Variants in ROBO2 observed in about 807,000 individuals in gnomAD.
ROBO2 encodes the protein roundabout guidance receptor 2.
A neutral mutation model predicts 160.8 loss-of-function variants in ROBO2; 53 were observed. The ratio of observed to expected loss-of-function variants is 0.33; its 90% CI spans 0.26 to 0.41. The LOEUF is 0.41. ROBO2 is among the 10% of genes least tolerant of loss of function. ROBO2 has a pLI of 1.00. For missense variants in ROBO2, 1,577 were observed against 1,722.4 expected (o/e 0.92, Z 1.49); for synonymous variants, 664 against 611.7 (o/e 1.09, Z -1.26).
At chr3:77,387,458 G>A (rs968712729) in intron 2 of ROBO2, among the ~76,000 whole-genome samples, 5 of 151,738 alleles carry the variant, frequency 3.3e-5, no homozygotes, top group East Asian at 1.9e-4. Flanking sequence ...GTCTTAGGTC[G>A]CTTGACCTAC....
chr3:76,646,723 C>T (rs1189308497), intron 2 of ROBO2, among the ~76,000 whole-genome samples: 1 of 152,102 alleles, frequency 6.6e-6, no homozygotes, highest in Non-Finnish European at 1.5e-5. Context: ...CAAGAAGTCA[C>T]TCTGAAAGTT....
intron 23 of ROBO2, among the ~76,000 whole-genome samples, chr3:77,628,858 T>C (rs2095094853): frequency 6.6e-6 from 1 of 152,188 alleles, no homozygotes; most frequent in Non-Finnish European, 1.5e-5. Context: ...TGTTGCCCAA[T>C]ATGGCCAAGT....
intron 2 of ROBO2, among the ~76,000 whole-genome samples, chr3:76,470,013 A>T (rs1010807008): frequency 2.6e-5 from 4 of 152,100 alleles, no homozygotes. Context: ...TTTGCTTACC[A>T]TTCCCTCTAC....
chr3:77,495,680 G>GT (rs1443963184), intron 5 of ROBO2, among the ~76,000 whole-genome samples: 1 of 152,128 alleles, frequency 6.6e-6, no homozygotes, highest in Non-Finnish European at 1.5e-5. Flanking sequence ...GCGTTTATAG[G>GT]TTTTTAAAAA....
intron 2 of ROBO2, among the ~76,000 whole-genome samples, chr3:77,439,503 A>C (rs1168074218): frequency 6.6e-6 from 1 of 151,888 alleles, no homozygotes; most frequent in Non-Finnish European, 1.5e-5. Context: ...GATGGACTGC[A>C]TTTTTCTCTT....
chr3:77,210,555 C>T (rs1196381690), intron 2 of ROBO2, among the ~76,000 whole-genome samples: 1 of 152,070 alleles, frequency 6.6e-6, no homozygotes, highest in Non-Finnish European at 1.5e-5. Context: ...TGGTATTCCC[C>T]TATGTTTCTA....
intron 5 of ROBO2, among the ~76,000 whole-genome samples, chr3:77,501,740 G>T (rs1452694137): frequency 6.6e-6 from 1 of 152,044 alleles, no homozygotes; most frequent in Non-Finnish European, 1.5e-5. Flanking sequence ...AATTGAAATA[G>T]ATGGACATAA....
intron 21 of ROBO2, among the ~76,000 whole-genome samples, chr3:77,609,114 A>T (rs1337596815): frequency 1.3e-5 from 2 of 151,760 alleles, no homozygotes; most frequent in Non-Finnish European, 2.9e-5. Context: ...ACATACGCGA[A>T]TATTTTTTGT....
At chr3:77,380,340 G>A (rs909057109) in intron 2 of ROBO2, among the ~76,000 whole-genome samples, 1 of 152,162 alleles carries the variant, frequency 6.6e-6, no homozygotes, top group African/African-American at 2.4e-5. Flanking sequence ...TGACGTAGAT[G>A]TACTGAGTTC....
intron 2 of ROBO2, among the ~76,000 whole-genome samples, chr3:76,340,180 T>C (rs1439539690): frequency 6.6e-6 from 1 of 152,046 alleles, no homozygotes; most frequent in East Asian, 1.9e-4. Flanking sequence ...GTGATTTTAC[T>C]AGTAGAGCAG....
intron 2 of ROBO2, among the ~76,000 whole-genome samples, chr3:76,419,655 G>A (rs2075907225): frequency 6.6e-6 from 1 of 152,100 alleles, no homozygotes; most frequent in Non-Finnish European, 1.5e-5. Context: ...TGAGGAAAGA[G>A]ATGTACATTG....
intron 2 of ROBO2, among the ~76,000 whole-genome samples, chr3:77,032,969 G>C (rs1341133457): frequency 1.3e-5 from 2 of 152,124 alleles, no homozygotes; most frequent in African/African-American, 4.8e-5. Flanking sequence ...GTAACAATCA[G>C]CATTTTCTCT....
chr3:76,931,550 G>GACACACACACACACACACACACACAC (rs148001909), intron 2 of ROBO2, among the ~76,000 whole-genome samples: 13 of 150,608 alleles, frequency 8.6e-5, no homozygotes, highest in African/African-American at 2.7e-4. Context: ...TGCTTTATAA[G>GACACACACACACACACACACACACAC]ACACATACAC....
At chr3:76,876,043 C>T (rs1024800338) in intron 2 of ROBO2, among the ~76,000 whole-genome samples, 1 of 151,964 alleles carries the variant, frequency 6.6e-6, no homozygotes, top group Non-Finnish European at 1.5e-5. Context: ...TTAATTTAAT[C>T]ATATCTGCAC....
chr3:76,166,380 CCATGTTCAGCT>C (rs2072838436), intron 2 of ROBO2, among the ~76,000 whole-genome samples: 1 of 152,138 alleles, frequency 6.6e-6, no homozygotes, highest in South Asian at 2.1e-4. Context: ...CATTTTGCTG[CCATGTTCAGCT>C]CATGTTCAGC....
intron 2 of ROBO2, among the ~76,000 whole-genome samples, chr3:77,123,644 CA>C (rs2074998095): frequency 6.6e-6 from 1 of 150,602 alleles, no homozygotes; most frequent in African/African-American, 2.4e-5. Context: ...AGAGAGTGGA[CA>C]AGAAAATGAT....
chr3:76,350,358 A>C (rs1559805478), intron 2 of ROBO2, among the ~76,000 whole-genome samples: 1 of 152,092 alleles, frequency 6.6e-6, no homozygotes, highest in Non-Finnish European at 1.5e-5. Context: ...TTTTCAACCC[A>C]GAGAGAATAT....
intron 6 of ROBO2, among the ~76,000 whole-genome samples, chr3:77,526,695 T>TA (rs936038410): frequency 6.6e-6 from 1 of 151,472 alleles, no homozygotes; most frequent in Non-Finnish European, 1.5e-5. Context: ...TATGGTATAA[T>TA]AAAAAAATGA....
chr3:76,733,373 C>T (rs2093664871), intron 2 of ROBO2, among the ~76,000 whole-genome samples: 1 of 152,186 alleles, frequency 6.6e-6, no homozygotes, highest in Non-Finnish European at 1.5e-5. Flanking sequence ...ATTGTACATG[C>T]TGTATGTCAA....
Sources: gnomAD v4.1 joint callset for allele counts (sites outside exome capture counted in the v4.1 genomes callset) on GRCh38, gnomAD v4.1.1 for gene constraint, MANE v1.5 for transcripts, NCBI Gene and HGNC (gene_info 2026-07-23, HGNC 2026-07-21) for gene names.